The following KLHL23 variants were observed in gnomAD, a reference collection of about 807,000 sequenced individuals.
The protein encoded by KLHL23 is kelch-like protein 23.
A neutral mutation model predicts 48.9 loss-of-function variants in KLHL23; 33 were observed. The ratio of observed to expected loss-of-function variants is 0.67; its 90% CI spans 0.51 to 0.90. KLHL23 has a LOEUF of 0.90. Among genes scored for constraint, KLHL23 ranks in the 40% least tolerant of loss-of-function variants. The pLI is 0.00. For missense variants in KLHL23, 608 were observed against 669.6 expected (o/e 0.91, Z 1.02); for synonymous variants, 234 against 231.6 (o/e 1.01, Z -0.09).
At position 169,749,704 on chromosome 2, in the gene KLHL23, A is replaced by G. The variant is rs1431402477; in HGVS notation, c.1649A>G (p.His550Arg). 1 of 1,609,880 alleles carries G rather than the reference A, an allele frequency of 6.2e-7. No homozygotes were observed. Among genetic ancestry groups the G allele is most frequent in the Admixed American group, 1.7e-5 (1 of 59,962 alleles). ...AATCTTCCCAGTGCCATGCGGTCTC[A>G]TGGGTGTGTTTGTGTGTATAATGTC... ...VGNLPSAMRS[H>R]GCVCVYNV The change falls in exon 4 of 4, where the codon CAT (histidine) becomes CGT (arginine). Residue 550 changes from histidine (H) to arginine (R), a missense_variant. Transcript: ENST00000392647.
intron 3 of KLHL23, among the ~76,000 whole-genome samples, chr2:169,745,688 A>T (rs1167647111): frequency 6.6e-6 from 1 of 152,162 alleles, no homozygotes; most frequent in East Asian, 1.9e-4. Context: ...TCATAGATTC[A>T]ACAGCTGATT....
At chr2:169,738,438 A>G (rs1226565125) in intron 2 of KLHL23, among the ~76,000 whole-genome samples, 2 of 152,108 alleles carry the variant, frequency 1.3e-5, no homozygotes, top group Non-Finnish European at 2.9e-5. Flanking sequence ...ATTTTTTGGT[A>G]GAAAGGATAA....
chr2:169,748,439 A>G (rs955062016), intron 3 of KLHL23, among the ~76,000 whole-genome samples: 1 of 152,212 alleles, frequency 6.6e-6, no homozygotes, highest in Non-Finnish European at 1.5e-5. Context: ...TTTTAAGTGT[A>G]ATTTTATGAC....
intron 2 of KLHL23, among the ~76,000 whole-genome samples, chr2:169,740,829 T>C (rs939997825): frequency 6.7e-6 from 1 of 149,018 alleles, no homozygotes; most frequent in African/African-American, 2.5e-5. Context: ...TAAACTTTTT[T>C]GTTAAAAAAG....
At chr2:169,741,090 C>A in intron 2 of KLHL23, 1 of 229,510 alleles carries the variant, frequency 4.4e-6, no homozygotes, top group Non-Finnish European at 8.5e-6. Context: ...TGCTTTATGC[C>A]ATGTCTTTAA....
intron 3 of KLHL23, among the ~76,000 whole-genome samples, chr2:169,744,956 T>A (rs1265385453): frequency 6.7e-6 from 1 of 150,110 alleles, no homozygotes; most frequent in Non-Finnish European, 1.5e-5. Context: ...TTTTTTTTTT[T>A]AAAGACAGTC....
At chr2:169,745,513 CAAAAA>C (rs1157957265) in intron 3 of KLHL23, among the ~76,000 whole-genome samples, 37 of 63,650 alleles carry the variant, frequency 5.8e-4, no homozygotes, top group Admixed American at 1.5e-3. Context: ...GACTCCGTCT[CAAAAA>C]AAAAAAAAAA....
chr2:169,746,889 T>C (rs6760734), intron 3 of KLHL23, among the ~76,000 whole-genome samples: 126,206 of 152,162 alleles, frequency 0.83, 52,453 homozygotes, highest in Non-Finnish European at 0.85. Flanking sequence ...ATTAGTTGAA[T>C]GATTCATATA....
In KLHL23 at chr2:169,736,045, G is replaced by C; in HGVS notation, c.1031G>C (p.Ser344Thr). The C allele has an allele frequency of 2.5e-6, 4 of 1,614,080 alleles. No individual in the cohort carries two copies. Among genetic ancestry groups the C allele is most frequent in the Non-Finnish European group, 3.4e-6 (4 of 1,179,998 alleles). The change falls in exon 2 of 4, where the codon AGT (serine) becomes ACT (threonine). Residue 344 changes from serine to threonine, a missense_variant. This residue lies in a region of KLHL23 where 419 missense variants were observed against 473.1 expected (regional missense o/e 0.89). Transcript: ENST00000392647. Reference protein sequence around the residue: ...EALDTVWIYNSESDEWTEGLP... With the variant: ...EALDTVWIYNTESDEWTEGLP... ...CTTGACACAGTGTGGATCTATAACA[G>C]TGAAAGTGATGAATGGACAGAAGGT...
At chr2:169,737,978 T>C (rs1243399204) in intron 2 of KLHL23, among the ~76,000 whole-genome samples, 1 of 152,226 alleles carries the variant, frequency 6.6e-6, no homozygotes, top group Non-Finnish European at 1.5e-5. Flanking sequence ...ACAGTGCTTG[T>C]TGAAAAAAGA....
At chr2:169,742,796 C>T (rs915070069) in intron 3 of KLHL23, among the ~76,000 whole-genome samples, 1 of 152,234 alleles carries the variant, frequency 6.6e-6, no homozygotes. Flanking sequence ...AGACTCCCCA[C>T]CACTTTCTGC....
rs1045259264 is a variant in KLHL23 at position 169,751,860 on chromosome 2, A to G, written c.*2128A>G. On this transcript the variant is annotated 3_prime_UTR_variant, in exon 4 of 4. Transcript: ENST00000392647. The stretch of plus-strand genomic sequence containing the variant: ...TCTTTAATATTACTTTGTATTTTCA[A>G]TAAAAATAAATCACTGTACATAGTA... The G allele has an allele frequency of 1.3e-5, 2 of 151,964 alleles. No individual in the cohort carries two copies. Among genetic ancestry groups the G allele is most frequent in the Admixed American group, 6.6e-5 (1 of 15,256 alleles). 9.4% of individuals were successfully genotyped at this position (151,964 alleles called of 1,614,324 possible). A position where few individuals can be genotyped will look rare whatever the true frequency, so the allele number is the denominator to read the frequency against.
At chr2:169,748,282 G>A (rs1454452678) in intron 3 of KLHL23, among the ~76,000 whole-genome samples, 3 of 152,190 alleles carry the variant, frequency 2.0e-5, no homozygotes, top group Admixed American at 1.3e-4. Context: ...CGGAATGACA[G>A]GAAGGACGCA....
intron 3 of KLHL23, among the ~76,000 whole-genome samples, chr2:169,745,343 T>C (rs1303739577): frequency 6.6e-6 from 1 of 151,558 alleles, no homozygotes; most frequent in East Asian, 2.0e-4. Flanking sequence ...AAACCCCATC[T>C]CTACTAAAAA....
chr2:169,748,771 GCCC>G lies in KLHL23; in HGVS notation c.1367-638_1367-636del, dbSNP rs397937181. On this transcript the variant is annotated intron_variant, in intron 3 of 3. Coordinates refer to ENST00000392647, the MANE Select transcript of KLHL23 (RefSeq NM_144711.6). ...ATTAAAACAGCCTAGGAGGAGGACC[GCCC>G]CCCCCCCCCCCCATATACATACTTC... Among the ~76,000 whole-genome samples the G allele has an allele frequency of 5.2e-3, 576 of 110,286 alleles. 9 individuals are homozygous for G. Among genetic ancestry groups the G allele is most frequent in the African/African-American group, 0.016 (545 of 33,564 alleles). The allele number at this position is 110,286 out of a possible 152,430, so 72.4% of individuals were successfully genotyped here. A position where few individuals can be genotyped will look rare whatever the true frequency, so the allele number is the denominator to read the frequency against.
intron 3 of KLHL23, among the ~76,000 whole-genome samples, chr2:169,745,251 G>T (rs139649904): frequency 6.6e-6 from 1 of 151,838 alleles, no homozygotes; most frequent in East Asian, 1.9e-4. Context: ...GGTGGCTCAC[G>T]CCTGTAATCC....
rs373050145 is a variant in KLHL23, at chr2:169,735,673, A to G, written c.659A>G (p.Tyr220Cys). 8.1e-6 allele frequency: 13 copies of G among 1,614,054 alleles called. No homozygotes were observed. The highest frequency in any genetic ancestry group is 4.0e-5 in the African/African-American group (3 of 75,062). Residue 220 changes from tyrosine to cysteine, a missense_variant, in exon 2 of 4, where the codon TAT (tyrosine) becomes TGT (cysteine). Transcript: ENST00000392647. The surrounding 1 kb of genome is among the most constrained non-coding windows in gnomAD (Gnocchi z 4.5). ...GTAGAAAATCGAATTGAATGCCTCT[A>G]TAATCTACTGAGCTATATCAACATT... ...HDVENRIECL[Y>C]NLLSYINIDI...
chr2:169,748,945 A>G (rs1382003930), intron 3 of KLHL23, among the ~76,000 whole-genome samples: 1 of 152,156 alleles, frequency 6.6e-6, no homozygotes, highest in Non-Finnish European at 1.5e-5. Context: ...CAGTGTGAGA[A>G]GCACACAAGG....
At chr2:169,737,977 G>T (rs1008535970) in intron 2 of KLHL23, among the ~76,000 whole-genome samples, 1 of 152,172 alleles carries the variant, frequency 6.6e-6, no homozygotes, top group Non-Finnish European at 1.5e-5. Context: ...AACAGTGCTT[G>T]TTGAAAAAAG....
Sources: allele counts gnomAD v4.1 joint callset (sites outside exome capture counted in the v4.1 genomes callset), GRCh38; gene constraint gnomAD v4.1.1; regional missense constraint gnomAD v4.1.1; non-coding constraint Gnocchi (gnomAD v3.1); transcripts MANE v1.5; gene names NCBI Gene and HGNC (gene_info 2026-07-23, HGNC 2026-07-21).